The following NXPH1 variants were observed in gnomAD, a reference collection of about 807,000 sequenced individuals.
The protein encoded by NXPH1 is neurexophilin-1.
A neutral mutation model predicts 23.7 loss-of-function variants in NXPH1; 5 were observed. The ratio of observed to expected loss-of-function variants is 0.21; its 90% CI spans 0.11 to 0.44. The LOEUF (loss-of-function observed/expected upper bound fraction) is 0.44, where lower values mean the gene tolerates loss of function less well. NXPH1 is among the 20% of genes least tolerant of loss of function. NXPH1 has a pLI of 0.99. For synonymous variants in NXPH1, 144 were observed against 122.2 expected (o/e 1.18, Z -1.18); for missense variants, 324 against 321.6 (o/e 1.01, Z -0.06).
chr7:8,692,190 T>C (rs553830536), intron 2 of NXPH1, among the ~76,000 whole-genome samples: 1 of 152,088 alleles, frequency 6.6e-6, no homozygotes, highest in East Asian at 1.9e-4. Context: ...TTTTATTCTT[T>C]GTTCTCTGGA....
intron 2 of NXPH1, among the ~76,000 whole-genome samples, chr7:8,565,693 G>A (rs1177089158): frequency 6.6e-6 from 1 of 151,476 alleles, no homozygotes; most frequent in Non-Finnish European, 1.5e-5. Context: ...ATTTTTTTGG[G>A]TGTTTCACTG....
chr7:8,709,365 C>A (rs1031374471), intron 2 of NXPH1, among the ~76,000 whole-genome samples: 2 of 152,044 alleles, frequency 1.3e-5, no homozygotes, highest in Admixed American at 6.6e-5. Context: ...GCTTTGAATT[C>A]TTGGTGGGAT....
At chr7:8,512,931 T>C (rs895788365) in intron 2 of NXPH1, among the ~76,000 whole-genome samples, 1 of 152,136 alleles carries the variant, frequency 6.6e-6, no homozygotes, top group Admixed American at 6.5e-5. Flanking sequence ...TAGAAACTTA[T>C]GACACACTGG....
At chr7:8,573,224 A>G (rs893584359) in intron 2 of NXPH1, among the ~76,000 whole-genome samples, 1 of 152,030 alleles carries the variant, frequency 6.6e-6, no homozygotes, top group African/African-American at 2.4e-5. Context: ...CCAATCATAC[A>G]TTATATTGGT....
intron 2 of NXPH1, among the ~76,000 whole-genome samples, chr7:8,715,735 GA>G (rs1449727720): frequency 6.6e-6 from 1 of 152,150 alleles, no homozygotes; most frequent in Non-Finnish European, 1.5e-5. Context: ...CCAGGTGAGG[GA>G]AATGGCAGGC....
At chr7:8,522,142 G>T (rs892339849) in intron 2 of NXPH1, among the ~76,000 whole-genome samples, 1 of 152,166 alleles carries the variant, frequency 6.6e-6, no homozygotes, top group Non-Finnish European at 1.5e-5. Context: ...TGACATTCAG[G>T]GTGGAGAATA....
chr7:8,542,131 G>GA (rs140853754), intron 2 of NXPH1, among the ~76,000 whole-genome samples: 3 of 149,764 alleles, frequency 2.0e-5, no homozygotes, highest in Non-Finnish European at 3.0e-5. Context: ...TCAATTATAA[G>GA]AAAAAAAAGA....
At chr7:8,647,779 G>GTTTT (rs549118157) in intron 2 of NXPH1, among the ~76,000 whole-genome samples, 109 of 139,302 alleles carry the variant, frequency 7.8e-4, no homozygotes, top group African/African-American at 2.8e-3. Flanking sequence ...TAACCATTCG[G>GTTTT]TTTTTTTTTT....
At chr7:8,719,748 G>A (rs148533776) in intron 2 of NXPH1, among the ~76,000 whole-genome samples, 121 of 152,122 alleles carry the variant, frequency 8.0e-4, no homozygotes, top group African/African-American at 1.8e-3. Context: ...AATGTTTTCC[G>A]ACGTGAATTT....
chr7:8,653,969 T>C (rs775297082), intron 2 of NXPH1, among the ~76,000 whole-genome samples: 2 of 152,232 alleles, frequency 1.3e-5, no homozygotes, highest in Non-Finnish European at 2.9e-5. Flanking sequence ...TTAACTTTGC[T>C]TGGATTTCAT....
At chr7:8,608,283 A>C (rs1343604398) in intron 2 of NXPH1, among the ~76,000 whole-genome samples, 1 of 152,192 alleles carries the variant, frequency 6.6e-6, no homozygotes, top group Admixed American at 6.6e-5. Context: ...GGAAGTCTTG[A>C]AAGTCCAAGA....
intron 2 of NXPH1, among the ~76,000 whole-genome samples, chr7:8,663,371 A>G (rs1820709904): frequency 6.6e-6 from 1 of 152,044 alleles, no homozygotes; most frequent in Admixed American, 6.6e-5. Context: ...TTCTGGTCTC[A>G]CGATCCATCT....
chr7:8,548,832 C>A lies in NXPH1; in HGVS notation c.54+113065C>A, dbSNP rs113798945. On this transcript the variant is annotated intron_variant, in intron 2 of 2. Transcript: ENST00000405863. ...TTAGTAAGTAGTCAATAAATACTGG[C>A]ACTTACTGTTGCTGTGCTTGGTTTT... Among the ~76,000 whole-genome samples, 68 of 151,648 alleles carry A rather than the reference C, an allele frequency of 4.5e-4. 1 individual carries two copies. The highest frequency in any genetic ancestry group is 1.5e-3 in the African/African-American group (62 of 41,482).
intron 2 of NXPH1, among the ~76,000 whole-genome samples, chr7:8,705,303 A>G (rs1187481406): frequency 6.6e-6 from 1 of 152,172 alleles, no homozygotes; most frequent in African/African-American, 2.4e-5. Context: ...CTGTGTGAAT[A>G]ATTGCAACAC....
intron 2 of NXPH1, among the ~76,000 whole-genome samples, chr7:8,538,919 C>T (rs1023362413): frequency 4.6e-5 from 7 of 151,840 alleles, no homozygotes; most frequent in African/African-American, 1.7e-4. Context: ...GCAGACTATC[C>T]AATGTGTTTT....
At chr7:8,569,797 C>T (rs1027483299) in intron 2 of NXPH1, among the ~76,000 whole-genome samples, 1 of 151,852 alleles carries the variant, frequency 6.6e-6, no homozygotes, top group African/African-American at 2.4e-5. Context: ...TAGGTTCCCA[C>T]ACTACTCAAC....
Position 8,710,884 on chromosome 7 carries a change from G to C in NXPH1, c.55-40124G>C, listed in dbSNP as rs1019308807. On this transcript the variant is annotated intron_variant, in intron 2 of 2. Coordinates refer to ENST00000405863, the MANE Select transcript of NXPH1 (RefSeq NM_152745.3). ...TCACCGTGTTAGCCAGGATGGTCTC[G>C]ATCTCCTGACCTCATGATCCACCCG... is the stretch of plus-strand genomic sequence containing the variant. Among the ~76,000 whole-genome samples the C allele has an allele frequency of 7.9e-5, 9 of 114,114 alleles. 1 individual carries two copies. Among genetic ancestry groups the C allele is most frequent in the African/African-American group, 1.0e-4 (2 of 19,828 alleles). 74.9% of individuals were successfully genotyped at this position (114,114 alleles called of 152,430 possible).
At chr7:8,704,580 A>G (rs1435737913) in intron 2 of NXPH1, among the ~76,000 whole-genome samples, 3 of 152,160 alleles carry the variant, frequency 2.0e-5, no homozygotes, top group African/African-American at 4.8e-5. Context: ...AGGTAATTCC[A>G]AGTGGTAATG....
chr7:8,580,199 G>T (rs1300467693), intron 2 of NXPH1, among the ~76,000 whole-genome samples: 4 of 152,172 alleles, frequency 2.6e-5, no homozygotes, highest in Non-Finnish European at 5.9e-5. Flanking sequence ...GGTAGCTTAT[G>T]CAGCATTTAT....
Sources: gnomAD v4.1 joint callset for allele counts (sites outside exome capture counted in the v4.1 genomes callset) on GRCh38, gnomAD v4.1.1 for gene constraint, MANE v1.5 for transcripts, NCBI Gene and HGNC (gene_info 2026-07-23, HGNC 2026-07-21) for gene names.